ZFYVE27: variants seen among roughly 807,000 people sequenced by gnomAD.
ZFYVE27 encodes zinc finger FYVE-type containing 27, also known as protrudin.
In ZFYVE27, 36 loss-of-function variants were observed where a neutral mutation model predicts 52.8. That is an observed-to-expected ratio of 0.68 (90% CI 0.52 to 0.90). ZFYVE27 has a LOEUF of 0.90. Ranked by LOEUF, ZFYVE27 falls within the 40% of genes least tolerant of loss-of-function variation. The pLI, the probability that ZFYVE27 is intolerant of heterozygous loss-of-function variation, is 0.00. For synonymous variants in ZFYVE27, 223 were observed against 215.6 expected (o/e 1.03, Z -0.30); for missense variants, 450 against 527.2 (o/e 0.85, Z 1.43).
intron 7 of ZFYVE27, 95 bp downstream of exon 7, chr10:97,750,565 G>A: frequency 6.5e-7 from 1 of 1,537,034 alleles, no homozygotes; most frequent in South Asian, 1.1e-5. Flanking sequence ...CTCTGTTGTA[G>A]TTCCTGCTAT....
chr10:97,748,379 C>T lies in ZFYVE27; in HGVS notation c.551+15C>T. 1 of 1,612,668 alleles carries T rather than the reference C, an allele frequency of 6.2e-7. No individual in the cohort carries two copies. The highest frequency in any genetic ancestry group is 1.1e-5 in the South Asian group (1 of 90,844). On this transcript the variant is annotated intron_variant, in intron 5 of 12. Coordinates refer to ENST00000684270, the MANE Select transcript of ZFYVE27 (RefSeq NM_001385875.1). ...GTGTCCTCACAGTGAGTGACCCCTC[C>T]TCTCCCGCCACCACCCTATAGGAAT...
chr10:97,748,972 A>C (rs2046212782), intron 5 of ZFYVE27, among the ~76,000 whole-genome samples: 1 of 152,184 alleles, frequency 6.6e-6, no homozygotes, highest in Admixed American at 6.5e-5. Flanking sequence ...AGGCTCTTTA[A>C]TATGAATAAT....
Position 97,738,648 on chromosome 10 carries a change from A to T in ZFYVE27, c.171A>T (p.Ala57=). 1 of 1,614,208 alleles carries T rather than the reference A, an allele frequency of 6.2e-7. No individual in the cohort carries two copies. Among genetic ancestry groups the T allele is most frequent in the Non-Finnish European group, 8.5e-7 (1 of 1,180,032 alleles). The part of the protein sequence containing the change: ...LEIYLEPLKD[A]GDGVRYLLRW... ...TCTACCTGGAACCCTTGAAGGATGC[A>T]GGTGATGGTGTTCGATACTTGCTCA... Residue 57 remains alanine (A), a synonymous_variant, in exon 2 of 13, where the codon GCA becomes GCT. Transcript: ENST00000684270.
chr10:97,741,967 T>C (rs1288550695), intron 2 of ZFYVE27, among the ~76,000 whole-genome samples: 9 of 151,862 alleles, frequency 5.9e-5, no homozygotes, highest in Non-Finnish European at 1.3e-4. Flanking sequence ...ACCCCATCCC[T>C]ACTGAAAACA....
chr10:97,744,740 TC>T lies in ZFYVE27; in HGVS notation c.281del (p.Ser94Ter), dbSNP rs1239020173. The T allele has an allele frequency of 6.2e-7, 1 of 1,613,760 alleles. No individual in the cohort carries two copies. The highest frequency in any genetic ancestry group is 1.7e-5 in the Admixed American group (1 of 60,034). ...TTTTGATTCTGCAGGTGCATGGTAC[TC>T]AGTAGGTGCCCTGATGATTTCAGTG... ...FLTLNEGAWY[S>X]VGALMISVPA... On this transcript the variant is annotated frameshift_variant, in exon 4 of 13. Transcript: ENST00000684270. LOFTEE classifies it high-confidence loss of function.
intron 12 of ZFYVE27, among the ~76,000 whole-genome samples, chr10:97,758,533 G>A (rs779585954): frequency 6.6e-6 from 1 of 152,076 alleles, no homozygotes; most frequent in South Asian, 2.1e-4. Flanking sequence ...TGTTGGTCAG[G>A]CTGGTTTTGA....
chr10:97,757,548 T>C, intron 11 of ZFYVE27, 94 bp from the exon 12 acceptor site: 1 of 1,438,446 alleles, frequency 7.0e-7, no homozygotes, highest in South Asian at 1.1e-5. Context: ...CCCAGTTTCC[T>C]TGGGTGGGAT....
intron 12 of ZFYVE27, 164 bp downstream of exon 12, chr10:97,757,887 G>T: frequency 1.6e-6 from 1 of 629,406 alleles, no homozygotes; most frequent in Non-Finnish European, 2.8e-6. Flanking sequence ...GAAACATTTG[G>T]TACATGCCGA....
chr10:97,738,810 C>G, intron 2 of ZFYVE27, 136 bp downstream of exon 2: 1 of 1,006,996 alleles, frequency 9.9e-7, no homozygotes, highest in Non-Finnish European at 1.5e-6. Flanking sequence ...GAGGTCTGTT[C>G]GGCCTCTGGG....
intron 4 of ZFYVE27, 42 bp from the exon 5 acceptor site, chr10:97,748,227 G>A (rs1205519488): frequency 1.9e-6 from 3 of 1,602,058 alleles, no homozygotes; most frequent in Non-Finnish European, 2.6e-6. Context: ...CACTTCCCAG[G>A]GCTTCTGTCC....
At chr10:97,754,097 A>G (rs2047713454) in intron 10 of ZFYVE27, among the ~76,000 whole-genome samples, 1 of 152,114 alleles carries the variant, frequency 6.6e-6, no homozygotes, top group Admixed American at 6.5e-5. Context: ...GAGCAGGGTA[A>G]GGGGGCAGTA....
At chr10:97,744,086 T>C (rs918988272) in intron 3 of ZFYVE27, among the ~76,000 whole-genome samples, 1 of 152,216 alleles carries the variant, frequency 6.6e-6, no homozygotes, top group African/African-American at 2.4e-5. Context: ...GGACTCATCT[T>C]TACCTGTTCA....
intron 12 of ZFYVE27, chr10:97,757,943 A>C: frequency 1.8e-6 from 1 of 549,022 alleles, no homozygotes; most frequent in South Asian, 2.2e-5. Context: ...TAATAACAAG[A>C]TGAATACCTG....
chr10:97,749,622 C>T, intron 6 of ZFYVE27, 36 bp downstream of exon 6: 1 of 1,567,166 alleles, frequency 6.4e-7, no homozygotes, highest in South Asian at 1.1e-5. Flanking sequence ...GGGGCCCAAG[C>T]TGGCTCTGAG....
At chr10:97,746,052 T>TATATATATATATATATATA (rs1491093926) in intron 4 of ZFYVE27, among the ~76,000 whole-genome samples, 2 of 31,630 alleles carry the variant, frequency 6.3e-5, no homozygotes, top group Admixed American at 2.9e-4. Flanking sequence ...TATATATATA[T>TATATATATATATATATATA]TTTTTTTTTT....
intron 2 of ZFYVE27, among the ~76,000 whole-genome samples, chr10:97,741,359 A>G (rs1182764894): frequency 6.6e-6 from 1 of 152,240 alleles, no homozygotes; most frequent in Non-Finnish European, 1.5e-5. Flanking sequence ...CTTGGAACCA[A>G]CCTAAATGTC....
chr10:97,749,283 G>A (rs962126072), intron 5 of ZFYVE27, among the ~76,000 whole-genome samples, 191 bp from the exon 6 acceptor site: 1 of 152,208 alleles, frequency 6.6e-6, no homozygotes, highest in Non-Finnish European at 1.5e-5. Flanking sequence ...AGCATCAGGT[G>A]TTTGCACCGG....
At chr10:97,739,364 C>T (rs971145022) in intron 2 of ZFYVE27, among the ~76,000 whole-genome samples, 4 of 152,122 alleles carry the variant, frequency 2.6e-5, no homozygotes, top group African/African-American at 9.7e-5. Context: ...CCACTGTGCC[C>T]AGCCCATTTT....
At chr10:97,751,175 C>T (rs374833594) in intron 7 of ZFYVE27, among the ~76,000 whole-genome samples, 45 of 152,290 alleles carry the variant, frequency 3.0e-4, no homozygotes, top group East Asian at 2.9e-3. Context: ...AACCACTGTG[C>T]GATGTGGCCA....
Sources: gnomAD v4.1 joint callset for allele counts (sites outside exome capture counted in the v4.1 genomes callset) on GRCh38, gnomAD v4.1.1 for gene constraint, MANE v1.5 for transcripts, NCBI Gene and HGNC (gene_info 2026-07-23, HGNC 2026-07-21) for gene names.